COPS4: variants seen among roughly 807,000 people sequenced by gnomAD.
COPS4 encodes COP9 signalosome complex subunit 4.
Under a neutral mutation model 55.1 loss-of-function variants are expected in COPS4, and 8 were observed. That is an observed-to-expected ratio of 0.15 (90% CI 0.09 to 0.26). The LOEUF is 0.26. Ranked by LOEUF, COPS4 falls within the 10% of genes least tolerant of loss-of-function variation. COPS4 has a pLI of 1.00. For missense variants in COPS4, 248 were observed against 484.0 expected (o/e 0.51, Z 4.58); for synonymous variants, 185 against 165.7 (o/e 1.12, Z -0.90).
At chr4:83,037,144 G>A (rs1171890217) in intron 1 of COPS4, among the ~76,000 whole-genome samples, 1 of 152,132 alleles carries the variant, frequency 6.6e-6, no homozygotes, top group Admixed American at 6.5e-5. Flanking sequence ...GCTCTTGCCT[G>A]GATCTCTCTC....
chr4:83,043,858 T>G (rs1338867637), intron 1 of COPS4, among the ~76,000 whole-genome samples: 1 of 152,252 alleles, frequency 6.6e-6, no homozygotes, highest in Non-Finnish European at 1.5e-5. Context: ...AATAATTTAT[T>G]TCTTCTTTTG....
At position 83,075,772 on chromosome 4, in the gene COPS4, TA is replaced by T; in HGVS notation, c.*345del. On this transcript the variant is annotated 3_prime_UTR_variant, in exon 10 of 10. Transcript: ENST00000264389. The stretch of plus-strand genomic sequence containing the variant: ...GCCTCTCCAAATGTGGTTATTCTAA[TA>T]AATGGAGAAATGAGCCAAATAAAAG... The T allele has an allele frequency of 5.4e-6, 1 of 184,128 alleles. No individual in the cohort carries two copies. The highest frequency in any genetic ancestry group is 1.3e-4 in the East Asian group (1 of 7,438). The allele number at this position is 184,128 out of a possible 1,614,324, so 11.4% of individuals were successfully genotyped here. A position where few individuals can be genotyped will look rare whatever the true frequency, so the allele number is the denominator to read the frequency against.
At chr4:83,055,903 ATTTCT>A (rs1422983652) in intron 4 of COPS4, among the ~76,000 whole-genome samples, 106 of 147,008 alleles carry the variant, frequency 7.2e-4, no homozygotes, top group African/African-American at 2.4e-3. Flanking sequence ...TCTTTTTAGG[ATTTCT>A]TTTCTTTTCT....
intron 1 of COPS4, among the ~76,000 whole-genome samples, chr4:83,041,054 TTTTTTTG>T (rs1365490755): frequency 3.3e-5 from 5 of 151,800 alleles, no homozygotes; most frequent in South Asian, 2.1e-4. Context: ...ATAAGTTTTT[TTTTTTTG>T]TTTTTTGTTT....
At chr4:83,035,346 C>T in intron 1 of COPS4, 48 bp downstream of exon 1, 1 of 1,418,544 alleles carries the variant, frequency 7.0e-7, no homozygotes, top group East Asian at 2.9e-5. Context: ...GGAAAGAAAG[C>T]CACAGCCTTA....
intron 4 of COPS4, among the ~76,000 whole-genome samples, chr4:83,053,384 T>C (rs1159665093): frequency 2.0e-5 from 3 of 152,036 alleles, no homozygotes; most frequent in Non-Finnish European, 4.4e-5. Context: ...TGATAAGTTA[T>C]TACAATGAGT....
At chr4:83,038,238 A>G (rs1304257685) in intron 1 of COPS4, among the ~76,000 whole-genome samples, 1 of 152,260 alleles carries the variant, frequency 6.6e-6, no homozygotes, top group Non-Finnish European at 1.5e-5. Context: ...AATAACATCT[A>G]GAGTTTACTG....
chr4:83,073,297 C>T (rs1731484551), intron 9 of COPS4: 1 of 698,710 alleles, frequency 1.4e-6, no homozygotes. Context: ...TGACATGTGA[C>T]CTTTTGGCTG....
In COPS4 at chr4:83,041,868, CT is replaced by C. The variant is rs142078613; in HGVS notation, c.75-3744del. 4.4e-3 allele frequency among the ~76,000 whole-genome samples: 639 copies of C among 143,702 alleles called. 3 individuals carry two copies. The highest frequency in any genetic ancestry group is 7.1e-3 in the African/African-American group (278 of 39,432). The allele number at this position is 143,702 out of a possible 152,430, so 94.3% of individuals were successfully genotyped here. On this transcript the variant is annotated intron_variant, in intron 1 of 9. Transcript: ENST00000264389. ...GTTTTTGTATTATTGTAATTTAATA[CT>C]TTTTTTTTTTTTTGAGATAGAATTT...
Position 83,057,395 on chromosome 4 carries a change from C to T in COPS4, c.702C>T (p.Ile234=). The T allele has an allele frequency of 6.3e-7, 1 of 1,584,294 alleles. No individual in the cohort carries two copies. The highest frequency in any genetic ancestry group is 2.2e-5 in the East Asian group (1 of 44,498). ...TAAAACATGCTTTGCACTGTACGAT[C>T]TTAGCATCAGCAGGTAAACACGTAA... is the stretch of plus-strand genomic sequence containing the variant. ...EALKHALHCT[I]LASAGQQRSR... is the part of the protein sequence containing the mutation. The change falls in exon 6 of 10, where the codon ATC becomes ATT. Residue 234 remains isoleucine (I), a synonymous_variant. Transcript: ENST00000264389.
rs116836738 is a variant in COPS4 at position 83,067,823 on chromosome 4, G to A, written c.1003-615G>A. On this transcript the variant is annotated intron_variant, in intron 8 of 9. Transcript: ENST00000264389. ...GGTATGATCTCTTGCTGAGACTATT[G>A]GAGGTGAATATATTTTTAACAATAA... Among the ~76,000 whole-genome samples, 282 of 152,238 alleles carry A rather than the reference G, an allele frequency of 1.9e-3. 2 individuals carry two copies. The highest frequency in any genetic ancestry group is 6.5e-3 in the African/African-American group (268 of 41,540).
At chr4:83,067,780 T>G (rs1259815219) in intron 8 of COPS4, among the ~76,000 whole-genome samples, 1 of 152,184 alleles carries the variant, frequency 6.6e-6, no homozygotes, top group African/African-American at 2.4e-5. Flanking sequence ...AAAAGAGACT[T>G]TCTTCTTGAG....
At chr4:83,055,390 G>GT (rs1730988724) in intron 4 of COPS4, among the ~76,000 whole-genome samples, 1 of 151,134 alleles carries the variant, frequency 6.6e-6, no homozygotes, top group African/African-American at 2.4e-5. Context: ...GTTTTATCCA[G>GT]TTTTTTCATT....
At chr4:83,051,877 G>A (rs1730897024) in intron 4 of COPS4, among the ~76,000 whole-genome samples, 1 of 152,212 alleles carries the variant, frequency 6.6e-6, no homozygotes, top group South Asian at 2.1e-4. Context: ...AGGGGAAGAT[G>A]TAGCAAATGA....
At position 83,035,236 on chromosome 4, in the gene COPS4, C is replaced by G. The variant is rs144138756; in HGVS notation, c.12C>G (p.Ala4=). MAA[A]VRQDLAQLMN... is the part of the protein sequence containing the mutation. ...GAGCTGGGAGAAAGATGGCGGCAGC[C>G]GTGCGACAGGATTTGGCCCAGCTCA... Residue 4 remains alanine, a synonymous_variant, in exon 1 of 10, where the codon GCC becomes GCG. Transcript: ENST00000264389. 17 of 1,570,780 alleles carry G rather than the reference C, an allele frequency of 1.1e-5. No individual in the cohort carries two copies. The highest frequency in any genetic ancestry group is 1.5e-5 in the Non-Finnish European group (17 of 1,152,468).
intron 7 of COPS4, among the ~76,000 whole-genome samples, chr4:83,065,902 C>T (rs1373713634): frequency 2.0e-5 from 3 of 152,190 alleles, no homozygotes; most frequent in Non-Finnish European, 2.9e-5. Context: ...TGCCTGTAAT[C>T]GCAGCACATT....
intron 4 of COPS4, among the ~76,000 whole-genome samples, chr4:83,051,493 G>GT (rs918699550): frequency 8.5e-5 from 13 of 152,098 alleles, no homozygotes; most frequent in African/African-American, 2.9e-4. Context: ...TTCTAGATAT[G>GT]TTTTTTAAGG....
At position 83,050,177 on chromosome 4, in the gene COPS4, A is replaced by G. The variant is rs189038571; in HGVS notation, c.410+193A>G. Among the ~76,000 whole-genome samples, 808 of 152,292 alleles carry G rather than the reference A, an allele frequency of 5.3e-3. 3 individuals are homozygous for G. The highest frequency in any genetic ancestry group is 9.4e-3 in the Non-Finnish European group (642 of 68,020). On this transcript the variant is annotated intron_variant, in intron 4 of 9. Transcript: ENST00000264389. ...GGGGACAGGTTGTATGTATATTTAA[A>G]TAGGGTGATTGGGGTAGTAGGGTGG...
intron 6 of COPS4, among the ~76,000 whole-genome samples, chr4:83,062,534 T>A (rs1731184630): frequency 6.6e-6 from 1 of 150,684 alleles, no homozygotes; most frequent in Admixed American, 6.7e-5. Context: ...CCCTGCTTGT[T>A]TTTTTACTTT....
Sources: gnomAD v4.1 joint callset for allele counts (sites outside exome capture counted in the v4.1 genomes callset) on GRCh38, gnomAD v4.1.1 for gene constraint, MANE v1.5 for transcripts, NCBI Gene and HGNC (gene_info 2026-07-23, HGNC 2026-07-21) for gene names.